The following OPCML variants were observed in gnomAD, a reference collection of about 807,000 sequenced individuals.
OPCML encodes opioid binding protein/cell adhesion molecule like, also known as opioid-binding protein/cell adhesion molecule.
In OPCML, 13 loss-of-function variants were observed where a neutral mutation model predicts 37.8. That is an observed-to-expected ratio of 0.34 (90% CI 0.22 to 0.55). The LOEUF is 0.55. Among genes scored for constraint, OPCML ranks in the 20% least tolerant of loss-of-function variants. OPCML has a pLI of 0.91. For missense variants in OPCML, 341 were observed against 435.6 expected, an observed-to-expected ratio of 0.78 and a Z score of 1.93; for synonymous variants, 176 against 168.8, an observed-to-expected ratio of 1.04 and a Z score of -0.33.
At chr11:132,669,036 T>C (rs1388702288) in intron 2 of OPCML, among the ~76,000 whole-genome samples, 2 of 152,182 alleles carry the variant, frequency 1.3e-5, no homozygotes, top group Middle Eastern at 3.4e-3. Flanking sequence ...GGTTTCTAGA[T>C]TGATGTCCTG....
At chr11:133,039,584 T>G (rs983634184) in intron 1 of OPCML, among the ~76,000 whole-genome samples, 2 of 152,120 alleles carry the variant, frequency 1.3e-5, no homozygotes, top group African/African-American at 4.8e-5. Flanking sequence ...GCATTCCCAG[T>G]GTCTGGGTGG....
At chr11:132,781,619 C>T (rs1319759932) in intron 2 of OPCML, among the ~76,000 whole-genome samples, 1 of 141,640 alleles carries the variant, frequency 7.1e-6, no homozygotes, top group Non-Finnish European at 1.6e-5. Flanking sequence ...CACACACACA[C>T]CCTATTTTTT....
intron 1 of OPCML, among the ~76,000 whole-genome samples, chr11:133,312,864 G>A (rs1205527091): frequency 6.6e-6 from 1 of 151,754 alleles, no homozygotes; most frequent in Admixed American, 6.6e-5. Flanking sequence ...CTCAAAGTTG[G>A]AAAAAAAATC....
chr11:133,243,275 G>A (rs1488283827), intron 1 of OPCML, among the ~76,000 whole-genome samples: 1 of 152,206 alleles, frequency 6.6e-6, no homozygotes, highest in Non-Finnish European at 1.5e-5. Flanking sequence ...TGCCTGGAGT[G>A]GGGTTCCTGC....
intron 2 of OPCML, among the ~76,000 whole-genome samples, chr11:132,733,638 G>A (rs989365229): frequency 2.6e-5 from 4 of 152,184 alleles, no homozygotes; most frequent in Admixed American, 2.6e-4. Context: ...AATCCAGAAT[G>A]TGTGACATTT....
At chr11:133,246,281 A>G (rs1940922940) in intron 1 of OPCML, among the ~76,000 whole-genome samples, 1 of 152,236 alleles carries the variant, frequency 6.6e-6, no homozygotes, top group Admixed American at 6.5e-5. Context: ...TGTAGTCTGT[A>G]CCCTTTAAAC....
At chr11:132,440,351 A>G (rs61908168) in intron 4 of OPCML, among the ~76,000 whole-genome samples, 1 of 150,954 alleles carries the variant, frequency 6.6e-6, no homozygotes, top group Non-Finnish European at 1.5e-5. Context: ...TTTTTTTTAA[A>G]TATAGATTCT....
At chr11:133,368,900 G>A (rs1944612005) in intron 1 of OPCML, among the ~76,000 whole-genome samples, 1 of 152,178 alleles carries the variant, frequency 6.6e-6, no homozygotes, top group Non-Finnish European at 1.5e-5. Flanking sequence ...CTGGATATTT[G>A]ATTCCTCACT....
At chr11:133,162,926 C>A (rs1212659158) in intron 1 of OPCML, among the ~76,000 whole-genome samples, 1 of 152,170 alleles carries the variant, frequency 6.6e-6, no homozygotes, top group Non-Finnish European at 1.5e-5. Context: ...CTGCTAGTAA[C>A]CAGCCTTGCG....
intron 1 of OPCML, among the ~76,000 whole-genome samples, chr11:133,155,481 C>T (rs1215280055): frequency 6.6e-6 from 1 of 152,110 alleles, no homozygotes; most frequent in African/African-American, 2.4e-5. Context: ...CCAGCTCCTG[C>T]AGTTTCTCCA....
chr11:132,745,361 T>G (rs1565827563), intron 2 of OPCML, among the ~76,000 whole-genome samples: 1 of 152,040 alleles, frequency 6.6e-6, no homozygotes, highest in African/African-American at 2.4e-5. Context: ...CTGTTAATGA[T>G]GATATCAAGG....
At chr11:133,317,768 A>C (rs759299884) in intron 1 of OPCML, among the ~76,000 whole-genome samples, 10 of 152,240 alleles carry the variant, frequency 6.6e-5, no homozygotes, top group Non-Finnish European at 1.5e-4. Flanking sequence ...CTAGCTTATT[A>C]GCAGAACCTC....
At chr11:132,455,080 A>G (rs549231577) in intron 4 of OPCML, among the ~76,000 whole-genome samples, 138 of 152,302 alleles carry the variant, frequency 9.1e-4, no homozygotes, top group African/African-American at 3.2e-3. Context: ...AAAACATAAC[A>G]GCTACATTCT....
chr11:132,594,650 TAA>T (rs2096489689), intron 3 of OPCML, among the ~76,000 whole-genome samples: 1 of 152,138 alleles, frequency 6.6e-6, no homozygotes, highest in South Asian at 2.1e-4. Context: ...GAAAAAAGCA[TAA>T]GTTTTCAAAG....
intron 2 of OPCML, among the ~76,000 whole-genome samples, chr11:132,809,997 C>A (rs1490444617): frequency 1.3e-5 from 2 of 152,076 alleles, no homozygotes; most frequent in South Asian, 4.2e-4. Context: ...CTACAGGCGC[C>A]CGCCACCACG....
chr11:132,866,461 A>G lies in OPCML; in HGVS notation c.146+76465T>C, dbSNP rs56911500. On this transcript the variant is annotated intron_variant, in intron 2 of 7. Coordinates refer to ENST00000524381, the MANE Select transcript of OPCML (RefSeq NM_001012393.5). ...GCACTGTACCAAGAAAACAATCCCAATTGGTCATCTGGAAGTCTTGTTAGT... is the reference window on the plus strand; with the variant it reads ...GCACTGTACCAAGAAAACAATCCCAGTTGGTCATCTGGAAGTCTTGTTAGT... Among the ~76,000 whole-genome samples, 1,189 of 152,028 alleles carry G rather than the reference A, an allele frequency of 7.8e-3. 23 individuals are homozygous for G. The highest frequency in any genetic ancestry group is 0.026 in the African/African-American group (1,083 of 41,328).
chr11:132,592,276 TGA>T (rs1018695408), intron 3 of OPCML, among the ~76,000 whole-genome samples: 1 of 152,128 alleles, frequency 6.6e-6, no homozygotes, highest in African/African-American at 2.4e-5. Flanking sequence ...GGAGGCATTG[TGA>T]GAGATGGACC....
chr11:133,493,401 T>G (rs891805042), intron 1 of OPCML, among the ~76,000 whole-genome samples: 6 of 152,200 alleles, frequency 3.9e-5, no homozygotes, highest in Admixed American at 3.9e-4. Context: ...TAAAGTCACC[T>G]CGAATCTCGT....
chr11:133,342,976 C>T (rs761560956), intron 1 of OPCML, among the ~76,000 whole-genome samples: 10 of 152,128 alleles, frequency 6.6e-5, no homozygotes, highest in Non-Finnish European at 1.0e-4. Flanking sequence ...AATCATAGCT[C>T]GCTGCAACCT....
Sources: allele counts gnomAD v4.1 joint callset (sites outside exome capture counted in the v4.1 genomes callset), GRCh38; gene constraint gnomAD v4.1.1; transcripts MANE v1.5; gene names NCBI Gene and HGNC (gene_info 2026-07-23, HGNC 2026-07-21).